The following TAGLN variants were observed in gnomAD, a reference collection of about 807,000 sequenced individuals.
The protein encoded by TAGLN is transgelin, also known as 22 kDa actin-binding protein.
In TAGLN, 16 loss-of-function variants were observed where a neutral mutation model predicts 21.9. That is an observed-to-expected ratio of 0.73 (90% CI 0.49 to 1.11). The LOEUF is 1.11. Ranked by LOEUF, TAGLN falls within the 50% of genes least tolerant of loss-of-function variation. TAGLN has a pLI of 0.00. For missense variants in TAGLN, 248 were observed against 263.2 expected (o/e 0.94, Z 0.40); for synonymous variants, 96 against 94.9 (o/e 1.01, Z -0.06).
In TAGLN at chr11:117,206,310, T is replaced by C. The variant is rs996630667; in HGVS notation, c.*1951T>C. ...CTGGCTCAAATATACTTCCAGCATG[T>C]AGTAAACAGTCCAGAAGACGGTGAA... is the stretch of plus-strand genomic sequence containing the variant. On this transcript the variant is annotated 3_prime_UTR_variant, in exon 5 of 5. Coordinates refer to ENST00000392951, the MANE Select transcript of TAGLN (RefSeq NM_003186.5). 27 of 1,613,968 alleles carry C rather than the reference T, an allele frequency of 1.7e-5. No homozygotes were observed. Among genetic ancestry groups the C allele is most frequent in the Non-Finnish European group, 2.2e-5 (26 of 1,179,966 alleles).
At position 117,204,729 on chromosome 11, in the gene TAGLN, C is replaced by T. The variant is rs528403147; in HGVS notation, c.*370C>T. On this transcript the variant is annotated 3_prime_UTR_variant, in exon 5 of 5. Coordinates refer to ENST00000392951, the MANE Select transcript of TAGLN (RefSeq NM_003186.5). ...AGAACCAGCCCAGCCTGCCCCCTAT[C>T]TTGTCCTGGAATATTTTTGGGGTTG... is the stretch of plus-strand genomic sequence containing the variant. 4 of 294,512 alleles carry T rather than the reference C, an allele frequency of 1.4e-5. No individual in the cohort carries two copies. The highest frequency in any genetic ancestry group is 4.6e-5 in the South Asian group (1 of 21,716). 18.2% of individuals were successfully genotyped at this position (294,512 alleles called of 1,614,324 possible).
rs2031327873 is a variant in TAGLN at position 117,205,687 on chromosome 11, T to C, written c.*1328T>C. 1.3e-5 allele frequency: 4 copies of C among 300,462 alleles called. No individual in the cohort carries two copies. The highest frequency in any genetic ancestry group is 2.4e-5 in the Non-Finnish European group (4 of 163,480). 18.6% of individuals were successfully genotyped at this position (300,462 alleles called of 1,614,324 possible). On this transcript the variant is annotated 3_prime_UTR_variant, in exon 5 of 5. Coordinates refer to ENST00000392951, the MANE Select transcript of TAGLN (RefSeq NM_003186.5). Reference sequence around the variant, plus strand: ...TATGTGGGAAGGGGTCCCCCATGCTTGGGGGACCTAGGCAGCTGGCTTGGC... The same window carrying C: ...TATGTGGGAAGGGGTCCCCCATGCTCGGGGGACCTAGGCAGCTGGCTTGGC...
intron 4 of TAGLN, 133 bp from the exon 5 acceptor site, chr11:117,204,082 G>A: frequency 7.3e-7 from 1 of 1,376,908 alleles, no homozygotes; most frequent in Non-Finnish European, 1.0e-6. Context: ...TAGCCTATGA[G>A]GCAAGCTAGA....
chr11:117,200,739 G>A (rs530967373), intron 1 of TAGLN, among the ~76,000 whole-genome samples: 2 of 152,286 alleles, frequency 1.3e-5, no homozygotes, highest in East Asian at 3.9e-4. Context: ...GCAGCGTTGT[G>A]TACCTGTCAC....
chr11:117,200,864 G>A (rs1352342485), intron 1 of TAGLN, among the ~76,000 whole-genome samples: 1 of 152,136 alleles, frequency 6.6e-6, no homozygotes, highest in Non-Finnish European at 1.5e-5. Context: ...CAGCAGGGGT[G>A]CAGAAGGGGA....
chr11:117,204,119 G>C, intron 4 of TAGLN, 96 bp from the exon 5 acceptor site: 1 of 1,551,888 alleles, frequency 6.4e-7, no homozygotes, highest in South Asian at 1.2e-5. Context: ...CAACAGGAAG[G>C]CAATGGGATT....
rs1291160408 is a variant in TAGLN at position 117,204,201 on chromosome 11, TCC to T, written c.462-13_462-12del. On this transcript the variant is annotated splice_polypyrimidine_tract_variant and intron_variant, in intron 4 of 4. Transcript: ENST00000392951. Reference sequence around the variant, plus strand: ...AGTTCTACCAAGTCTTTATCCTGGTTCCTCCTCTTCTAGGAAAGCGCAGGAGC... The same window carrying T: ...AGTTCTACCAAGTCTTTATCCTGGTTTCCTCTTCTAGGAAAGCGCAGGAGC... The T allele has an allele frequency of 2.5e-6, 4 of 1,613,764 alleles. No individual in the cohort carries two copies. Among genetic ancestry groups the T allele is most frequent in the Admixed American group, 3.3e-5 (2 of 60,014 alleles).
rs1025239944 is a variant in TAGLN, at chr11:117,203,708, C to T, written c.359-74C>T. 9.4e-5 allele frequency: 140 copies of T among 1,487,052 alleles called. No individual in the cohort carries two copies. Among genetic ancestry groups the T allele is most frequent in the Non-Finnish European group, 1.2e-4 (132 of 1,076,402 alleles). 92.1% of individuals were successfully genotyped at this position (1,487,052 alleles called of 1,614,324 possible). A position where few individuals can be genotyped will look rare whatever the true frequency, so the allele number is the denominator to read the frequency against. On this transcript the variant is annotated intron_variant, in intron 3 of 4. Coordinates refer to ENST00000392951, the MANE Select transcript of TAGLN (RefSeq NM_003186.5). This position sits in a 1 kb window ranked among gnomAD's most constrained non-coding sequence, Gnocchi z 4.4. ...GGTTTGGCCATTTTTTTGTGAGAGA[C>T]GGGGGCAGGCCCTGGCTTGGAGTCT...
At position 117,203,658 on chromosome 11, in the gene TAGLN, T is replaced by C; in HGVS notation, c.359-124T>C. On this transcript the variant is annotated intron_variant, in intron 3 of 4. Transcript: ENST00000392951. The surrounding 1 kb of genome is among the most constrained non-coding windows in gnomAD (Gnocchi z 4.4). Reference sequence around the variant, plus strand: ...ACAGGGCCCACTGAGAGGCCTCCCTTGAATTGGGGACAACTCTTGGCCCTG... The same window carrying C: ...ACAGGGCCCACTGAGAGGCCTCCCTCGAATTGGGGACAACTCTTGGCCCTG... The C allele has an allele frequency of 7.9e-7, 1 of 1,263,466 alleles. No individual in the cohort carries two copies. The highest frequency in any genetic ancestry group is 1.1e-6 in the Non-Finnish European group (1 of 900,314). 78.3% of individuals were successfully genotyped at this position (1,263,466 alleles called of 1,614,324 possible).
Position 117,205,160 on chromosome 11 carries a change from A to G in TAGLN, c.*801A>G. The G allele has an allele frequency of 4.3e-6, 1 of 232,974 alleles. No homozygotes were observed. The highest frequency in any genetic ancestry group is 8.5e-6 in the Non-Finnish European group (1 of 117,588). The allele number at this position is 232,974 out of a possible 1,614,324, so 14.4% of individuals were successfully genotyped here. A position where few individuals can be genotyped will look rare whatever the true frequency, so the allele number is the denominator to read the frequency against. On this transcript the variant is annotated 3_prime_UTR_variant, in exon 5 of 5. Transcript: ENST00000392951. ...GAAAAGAGAAAAACAAATCTTAAGC[A>G]TTAAAAAAAATTCAACCAACTAGCT...
rs2031224403 is a variant in TAGLN at position 117,204,063 on chromosome 11, C to T, written c.462-152C>T. 7 of 1,228,618 alleles carry T rather than the reference C, an allele frequency of 5.7e-6. No homozygotes were observed. The Admixed American group carries it at 1.4e-4, about 24-fold the overall frequency. 76.1% of individuals were successfully genotyped at this position (1,228,618 alleles called of 1,614,324 possible). A position where few individuals can be genotyped will look rare whatever the true frequency, so the allele number is the denominator to read the frequency against. On this transcript the variant is annotated intron_variant, in intron 4 of 4. Coordinates refer to ENST00000392951, the MANE Select transcript of TAGLN (RefSeq NM_003186.5). ...CCCTCCCTTTCCACCCTCCTGCGCTCAGTCTCCCTAGCCTATGAGGCAAGC... is the reference window on the plus strand; with the variant it reads ...CCCTCCCTTTCCACCCTCCTGCGCTTAGTCTCCCTAGCCTATGAGGCAAGC...
Position 117,206,341 on chromosome 11 carries a change from C to T in TAGLN, c.*1982C>T. The stretch of plus-strand genomic sequence containing the variant: ...ACAGTCCAGAAGACGGTGAAACAGC[C>T]TACCAGCACCAGGGTCTGGGGCCGA... On this transcript the variant is annotated 3_prime_UTR_variant, in exon 5 of 5. Transcript: ENST00000392951. The T allele has an allele frequency of 6.2e-7, 1 of 1,609,048 alleles. No individual in the cohort carries two copies.
chr11:117,204,897 C>T lies in TAGLN; in HGVS notation c.*538C>T, dbSNP rs537584644. On this transcript the variant is annotated 3_prime_UTR_variant, in exon 5 of 5. Transcript: ENST00000392951. ...CGGGCTTGTATGTGTTCCTGGCTGC[C>T]GTCCTCTGAAGGACCCTTCATGTGC... 11 of 219,940 alleles carry T rather than the reference C, an allele frequency of 5.0e-5. No homozygotes were observed. Among genetic ancestry groups the T allele is most frequent in the African/African-American group, 1.1e-4 (5 of 43,930 alleles). 13.6% of individuals were successfully genotyped at this position (219,940 alleles called of 1,614,324 possible).
Position 117,206,070 on chromosome 11 carries a change from T to G in TAGLN, c.*1711T>G, listed in dbSNP as rs1296649292. 4.7e-6 allele frequency: 7 copies of G among 1,498,952 alleles called. No individual in the cohort carries two copies. In the African/African-American group the frequency reaches 8.5e-5, roughly 18 times the overall value. The allele number at this position is 1,498,952 out of a possible 1,614,324, so 92.9% of individuals were successfully genotyped here. ...AGGGCAGTCCAGGGCGCTCTTGTTC[T>G]GGGACAGGCTCCAGTCCCCTTGCTC... On this transcript the variant is annotated 3_prime_UTR_variant, in exon 5 of 5. Coordinates refer to ENST00000392951, the MANE Select transcript of TAGLN (RefSeq NM_003186.5).
rs1591780069 is a variant in TAGLN, at chr11:117,203,495, A to G, written c.358+11A>G. On this transcript the variant is annotated intron_variant, in intron 3 of 4. Coordinates refer to ENST00000392951, the MANE Select transcript of TAGLN (RefSeq NM_003186.5). This position sits in a 1 kb window ranked among gnomAD's most constrained non-coding sequence, Gnocchi z 4.4. The stretch of plus-strand genomic sequence containing the variant: ...TTGACCTCTTTGAAGGTAGAGAGGA[A>G]GAGGCTGGGGGAGGAGGTGGGCAGG... The G allele has an allele frequency of 6.2e-7, 1 of 1,612,110 alleles. No homozygotes were observed. Among genetic ancestry groups the G allele is most frequent in the Non-Finnish European group, 8.5e-7 (1 of 1,178,308 alleles).
In TAGLN at chr11:117,205,282, A is replaced by G; in HGVS notation, c.*923A>G. 1 of 233,758 alleles carries G rather than the reference A, an allele frequency of 4.3e-6. No homozygotes were observed. The highest frequency in any genetic ancestry group is 6.0e-5 in the East Asian group (1 of 16,580). 14.5% of individuals were successfully genotyped at this position (233,758 alleles called of 1,614,324 possible). A position where few individuals can be genotyped will look rare whatever the true frequency, so the allele number is the denominator to read the frequency against. ...GAAGGCCATTTCCCTGAGCACTTGC[A>G]GAGGAAGACAGGGTGGTGGCAGGAC... On this transcript the variant is annotated 3_prime_UTR_variant, in exon 5 of 5. Transcript: ENST00000392951.
Position 117,205,060 on chromosome 11 carries a change from C to T in TAGLN, c.*701C>T, listed in dbSNP as rs987220460. On this transcript the variant is annotated 3_prime_UTR_variant, in exon 5 of 5. Coordinates refer to ENST00000392951, the MANE Select transcript of TAGLN (RefSeq NM_003186.5). ...GGGAGACAGAGGAAAGGAGAGATTG[C>T]GAGTGGCAGAATTGTTTGGAAGGTT... 2.3e-5 allele frequency: 5 copies of T among 215,264 alleles called. No individual in the cohort carries two copies. Among genetic ancestry groups the T allele is most frequent in the African/African-American group, 4.5e-5 (2 of 44,370 alleles). The allele number at this position is 215,264 out of a possible 1,614,324, so 13.3% of individuals were successfully genotyped here. A position where few individuals can be genotyped will look rare whatever the true frequency, so the allele number is the denominator to read the frequency against.
Position 117,203,974 on chromosome 11 carries a change from T to C in TAGLN, c.461+90T>C. On this transcript the variant is annotated intron_variant, in intron 4 of 4. Coordinates refer to ENST00000392951, the MANE Select transcript of TAGLN (RefSeq NM_003186.5). This position sits in a 1 kb window ranked among gnomAD's most constrained non-coding sequence, Gnocchi z 4.4. Reference sequence around the variant, plus strand: ...TGCGGGAAGGATTAGGGGAAGCAGATAGCCAAGAAAGGATAAAGTGAGGGT... The same window carrying C: ...TGCGGGAAGGATTAGGGGAAGCAGACAGCCAAGAAAGGATAAAGTGAGGGT... 2.4e-6 allele frequency: 3 copies of C among 1,259,944 alleles called. No individual in the cohort carries two copies. Among genetic ancestry groups the C allele is most frequent in the Non-Finnish European group, 2.3e-6 (2 of 870,808 alleles). 78.0% of individuals were successfully genotyped at this position (1,259,944 alleles called of 1,614,324 possible). A position where few individuals can be genotyped will look rare whatever the true frequency, so the allele number is the denominator to read the frequency against.
Position 117,205,741 on chromosome 11 carries a change from CA to C in TAGLN, c.*1385del, listed in dbSNP as rs1373176283. 2 of 388,636 alleles carry C rather than the reference CA, an allele frequency of 5.1e-6. No homozygotes were observed. The highest frequency in any genetic ancestry group is 4.2e-5 in the Admixed American group (1 of 24,016). 24.1% of individuals were successfully genotyped at this position (388,636 alleles called of 1,614,324 possible). ...AGAGAGATGAGGATGGAGGCCAAAC[CA>C]AAGGGGGGCGCCAATCCCCTGTCCA... On this transcript the variant is annotated 3_prime_UTR_variant, in exon 5 of 5. Transcript: ENST00000392951.
Sources: allele counts gnomAD v4.1 joint callset (sites outside exome capture counted in the v4.1 genomes callset), GRCh38; gene constraint gnomAD v4.1.1; non-coding constraint Gnocchi (gnomAD v3.1); transcripts MANE v1.5; gene names NCBI Gene and HGNC (gene_info 2026-07-23, HGNC 2026-07-21).